The following HADHB variants were observed in gnomAD, a reference collection of about 807,000 sequenced individuals.
HADHB encodes the protein trifunctional enzyme subunit beta, mitochondrial.
HADHB carries 50 observed loss-of-function variants against 61.9 expected under a neutral mutation model. That is an observed-to-expected ratio of 0.81 (90% confidence interval 0.64 to 1.02). The LOEUF is 1.02. HADHB is among the 50% of genes least tolerant of loss of function. HADHB has a pLI of 0.00. For missense variants in HADHB, 504 were observed against 586.5 expected (o/e 0.86, Z 1.45); for synonymous variants, 191 against 201.6 (o/e 0.95, Z 0.45).
chr2:26,284,096 T>A, intron 12 of HADHB, 21 bp from the exon 13 acceptor site: 1 of 1,370,378 alleles, frequency 7.3e-7, no homozygotes, highest in Non-Finnish European at 1.0e-6. Flanking sequence ...TTTTAAGATA[T>A]TACTTATTTT....
rs553040477 is a variant in HADHB, at chr2:26,263,382, G to T, written c.112G>T (p.Val38Phe). 5 of 1,593,564 alleles carry T rather than the reference G, an allele frequency of 3.1e-6. No homozygotes were observed. Among genetic ancestry groups the T allele is most frequent in the Middle Eastern group, 1.7e-4 (1 of 5,866 alleles). ...TGTTTTTAAACTTTATCTTAAAGCT[G>T]TCCAGACCAAAACGAAGAAGACGTT... ...CSSQLRAAPA[V>F]QTKTKKTLAK... The change falls in exon 4 of 16, where the codon GTC becomes TTC. Residue 38 changes from valine (V) to phenylalanine (F), a missense_variant and splice_region_variant. Val to Phe is a conservative substitution (Grantham distance 50). Transcript: ENST00000317799.
At chr2:26,283,291 G>A (rs1351542682) in intron 12 of HADHB, among the ~76,000 whole-genome samples, 3 of 152,118 alleles carry the variant, frequency 2.0e-5, no homozygotes, top group African/African-American at 7.2e-5. Context: ...TTGGGAGGCC[G>A]AGGTGGGCAG....
intron 5 of HADHB, 39 bp from the exon 6 acceptor site, chr2:26,273,612 T>C (rs776825411): frequency 1.8e-6 from 2 of 1,081,922 alleles, no homozygotes; most frequent in Non-Finnish European, 2.9e-6. Flanking sequence ...ACTGCCTTGA[T>C]GTGTGAAATG....
intron 6 of HADHB, among the ~76,000 whole-genome samples, chr2:26,275,729 G>A (rs1254255607): frequency 1.3e-5 from 2 of 152,156 alleles, no homozygotes; most frequent in Admixed American, 6.5e-5. Context: ...TTTAGTATCA[G>A]GCCTACCTGG....
intron 3 of HADHB, among the ~76,000 whole-genome samples, chr2:26,259,426 C>T (rs970618438): frequency 3.9e-5 from 6 of 152,210 alleles, no homozygotes; most frequent in Non-Finnish European, 8.8e-5. Context: ...CTTCCAGGAA[C>T]GTCTTGCATG....
At chr2:26,254,899 G>T in intron 3 of HADHB, 1 of 189,032 alleles carries the variant, frequency 5.3e-6, no homozygotes, top group South Asian at 1.0e-4. Context: ...GTGCAAGAGG[G>T]CCCATTCCTG....
In HADHB at chr2:26,248,337, G is replaced by A. The variant is rs1029027497; in HGVS notation, c.-9+3347G>A. Among the ~76,000 whole-genome samples the A allele has an allele frequency of 6.6e-5, 10 of 151,140 alleles. No homozygotes were observed. In the East Asian group the frequency reaches 7.7e-4, roughly 12 times the overall value. On this transcript the variant is annotated intron_variant, in intron 1 of 15. Transcript: ENST00000317799. Reference sequence around the variant, plus strand: ...ACTGATGTGCATTTAGATTAGTTACGGTTTTCCACAAATATAAACAGTGCT... The same window carrying A: ...ACTGATGTGCATTTAGATTAGTTACAGTTTTCCACAAATATAAACAGTGCT...
intron 3 of HADHB, among the ~76,000 whole-genome samples, chr2:26,258,979 G>C (rs1444428380): frequency 6.6e-6 from 1 of 152,156 alleles, no homozygotes; most frequent in Non-Finnish European, 1.5e-5. Flanking sequence ...AGTCGGCCTA[G>C]GAAATCCAGC....
At chr2:26,268,917 C>T (rs577830727) in intron 4 of HADHB, among the ~76,000 whole-genome samples, 3 of 152,134 alleles carry the variant, frequency 2.0e-5, no homozygotes, top group East Asian at 3.9e-4. Flanking sequence ...GAGGCCAAGG[C>T]GGGCAAATCA....
intron 6 of HADHB, among the ~76,000 whole-genome samples, chr2:26,275,620 C>G (rs1672507355): frequency 6.6e-6 from 1 of 152,202 alleles, no homozygotes; most frequent in Non-Finnish European, 1.5e-5. Flanking sequence ...CCTCCTGCCC[C>G]CCTGAGATAC....
intron 3 of HADHB, among the ~76,000 whole-genome samples, chr2:26,256,779 T>A (rs1671630128): frequency 6.6e-6 from 1 of 152,204 alleles, no homozygotes; most frequent in African/African-American, 2.4e-5. Context: ...CAGATTCTTA[T>A]AATTCATTAC....
chr2:26,269,828 G>T, intron 4 of HADHB, 125 bp from the exon 5 acceptor site: 1 of 755,230 alleles, frequency 1.3e-6, no homozygotes. Context: ...GACTGCCTTG[G>T]ATAGTAAAGT....
At chr2:26,273,261 T>A (rs12999113) in intron 5 of HADHB, among the ~76,000 whole-genome samples, 87,973 of 151,356 alleles carry the variant, frequency 0.58, 27,573 homozygotes, top group Non-Finnish European at 0.72. Flanking sequence ...TCTTTTTTTT[T>A]AATTTTTTTT....
chr2:26,289,614 TATAC>T lies in HADHB; in HGVS notation c.1390-301_1390-298del. ...CTAGACAGAGCCTGATGCATATATG[TATAC>T]ATGTATATATGAATGTATATAAATA... On this transcript the variant is annotated intron_variant, in intron 15 of 15. Transcript: ENST00000317799. Among the ~76,000 whole-genome samples, 2 of 152,332 alleles carry T rather than the reference TATAC, an allele frequency of 1.3e-5. 1 individual carries two copies. Among genetic ancestry groups the T allele is most frequent in the East Asian group, 3.9e-4 (2 of 5,190 alleles).
intron 3 of HADHB, 155 bp downstream of exon 3, chr2:26,254,629 T>C (rs1035195270): frequency 1.9e-5 from 12 of 627,330 alleles, no homozygotes; most frequent in Middle Eastern, 4.0e-4. Flanking sequence ...TAAAAAATTA[T>C]AGGTCCAATC....
At chr2:26,255,917 A>AG (rs1400831726) in intron 3 of HADHB, among the ~76,000 whole-genome samples, 28 of 152,232 alleles carry the variant, frequency 1.8e-4, no homozygotes, top group Admixed American at 1.8e-3. Flanking sequence ...ATGTTGACCC[A>AG]GGTCTTTGCT....
At chr2:26,281,145 T>C (rs1398213353) in intron 10 of HADHB, among the ~76,000 whole-genome samples, 1 of 145,070 alleles carries the variant, frequency 6.9e-6, no homozygotes. Context: ...TTTTAACTTA[T>C]CAACATGTAG....
At chr2:26,271,474 T>G (rs1011502021) in intron 5 of HADHB, among the ~76,000 whole-genome samples, 3 of 151,960 alleles carry the variant, frequency 2.0e-5, no homozygotes, top group Non-Finnish European at 4.4e-5. Flanking sequence ...GCCATTGCAC[T>G]CCAGCCTGGG....
At chr2:26,282,689 G>A (rs1269293729) in intron 10 of HADHB, among the ~76,000 whole-genome samples, 156 bp from the exon 11 acceptor site, 1 of 152,204 alleles carries the variant, frequency 6.6e-6, no homozygotes, top group Admixed American at 6.5e-5. Context: ...TTTGAATTAT[G>A]ATTTAATGAT....
Sources: gnomAD v4.1 joint callset for allele counts (sites outside exome capture counted in the v4.1 genomes callset) on GRCh38, gnomAD v4.1.1 for gene constraint, MANE v1.5 for transcripts, NCBI Gene and HGNC (gene_info 2026-07-23, HGNC 2026-07-21) for gene names.